The following CAPN2 variants were observed in gnomAD, a reference collection of about 807,000 sequenced individuals.
CAPN2 encodes the protein calpain-2 catalytic subunit.
CAPN2 carries 92 observed loss-of-function variants against 102.3 expected under a neutral mutation model. The ratio of observed to expected loss-of-function variants is 0.90; its 90% confidence interval spans 0.76 to 1.07. The LOEUF (loss-of-function observed/expected upper bound fraction) is 1.07. Among genes scored for constraint, CAPN2 ranks in the 50% least tolerant of loss-of-function variants. The pLI is 0.00. For missense variants in CAPN2, 800 were observed against 909.4 expected, an observed-to-expected ratio of 0.88 and a Z score of 1.55; for synonymous variants, 340 against 355.4, an observed-to-expected ratio of 0.96 and a Z score of 0.49.
rs1258372808 is a variant in CAPN2 at position 223,731,811 on chromosome 1, G to A, written c.308-12289G>A. Among the ~76,000 whole-genome samples, 1 of 152,224 alleles carries A rather than the reference G, an allele frequency of 6.6e-6. No homozygotes were observed. The highest frequency in any genetic ancestry group is 2.1e-4 in the South Asian group (1 of 4,830). Reference sequence around the variant, plus strand: ...GGCAGCGGAAGGCATCTGGGAGTCTGGGCTGCCCCGTAGCAGCTCTGTGTT... The same window carrying A: ...GGCAGCGGAAGGCATCTGGGAGTCTAGGCTGCCCCGTAGCAGCTCTGTGTT... On this transcript the variant is annotated intron_variant, in intron 2 of 20. Transcript: ENST00000295006. The surrounding 1 kb of genome is among the most constrained non-coding windows in gnomAD (Gnocchi z 4.2).
Position 223,737,709 on chromosome 1 carries a change from G to T in CAPN2, c.308-6391G>T, listed in dbSNP as rs1242262753. Among the ~76,000 whole-genome samples the T allele has an allele frequency of 5.2e-4, 16 of 30,608 alleles. 1 individual carries two copies. Among genetic ancestry groups the T allele is most frequent in the East Asian group, 3.6e-3 (3 of 844 alleles). 20.1% of individuals were successfully genotyped at this position (30,608 alleles called of 152,430 possible). ...AGGCCTGACCAAAAGAGACGGGGCGGGGGGTGGGGGGGAGAGAATACAATA... is the reference window on the plus strand; with the variant it reads ...AGGCCTGACCAAAAGAGACGGGGCGTGGGGTGGGGGGGAGAGAATACAATA... On this transcript the variant is annotated intron_variant, in intron 2 of 20. Coordinates refer to ENST00000295006, the MANE Select transcript of CAPN2 (RefSeq NM_001748.5).
chr1:223,726,751 C>T lies in CAPN2; in HGVS notation c.307+8920C>T, dbSNP rs7525446. On this transcript the variant is annotated intron_variant, in intron 2 of 20. Coordinates refer to ENST00000295006, the MANE Select transcript of CAPN2 (RefSeq NM_001748.5). The surrounding 1 kb of genome is among the most constrained non-coding windows in gnomAD (Gnocchi z 4.4). ...GTGGGGCATGAGTAAAATGGAGGAT[C>T]TGCCCCCTCCCCTCCCAGCCCCTGA... Among the ~76,000 whole-genome samples, 118,146 of 152,026 alleles carry T rather than the reference C, an allele frequency of 0.78. 47,150 individuals are homozygous for T. Among genetic ancestry groups the T allele is most frequent in the Admixed American group, 0.87 (13,313 of 15,288 alleles).
Position 223,759,337 on chromosome 1 carries a change from C to CA in CAPN2, c.1386dup (p.Asp463ArgfsTer42), listed in dbSNP as rs758102204. 1.9e-6 allele frequency: 3 copies of CA among 1,614,100 alleles called. No individual in the cohort carries two copies. Among genetic ancestry groups the CA allele is most frequent in the Admixed American group, 1.7e-5 (1 of 60,012 alleles). The stretch of plus-strand genomic sequence containing the variant: ...CTGACGAATCGCGCCAGGGAGCGCT[C>CA]AGACACCTTCATCAACCTCCGGGAG... On this transcript the variant is annotated frameshift_variant, in exon 12 of 21. Transcript: ENST00000295006. LOFTEE classifies it high-confidence loss of function. This position sits in a 1 kb window ranked among gnomAD's most constrained non-coding sequence, Gnocchi z 4.6.
At chr1:223,701,971 C>T (rs1177481754) in intron 1 of CAPN2, 2 of 133,560 alleles carry the variant, frequency 1.5e-5, no homozygotes, top group African/African-American at 2.8e-5. Context: ...CGTGTCACTG[C>T]ACTCCATTCT....
At chr1:223,751,971 G>T in intron 7 of CAPN2, 26 bp from the exon 8 acceptor site, 1 of 1,510,622 alleles carries the variant, frequency 6.6e-7, no homozygotes, top group South Asian at 1.2e-5. Flanking sequence ...GTACACTAAC[G>T]CCTCTCTCTT....
At chr1:223,720,375 G>T (rs1170154784) in intron 2 of CAPN2, among the ~76,000 whole-genome samples, 1 of 141,516 alleles carries the variant, frequency 7.1e-6, no homozygotes, top group African/African-American at 2.7e-5. Context: ...GAGTGCACTG[G>T]CAGGATCTTG....
At chr1:223,747,259 C>G (rs1660772578) in intron 5 of CAPN2, 94 bp downstream of exon 5, 1 of 1,240,760 alleles carries the variant, frequency 8.1e-7, no homozygotes, top group African/African-American at 1.5e-5. Flanking sequence ...CTCCTGTGTA[C>G]AACGTAATGC....
rs1660163613 is a variant in CAPN2 at position 223,725,355 on chromosome 1, C to T, written c.307+7524C>T. Among the ~76,000 whole-genome samples the T allele has an allele frequency of 6.6e-6, 1 of 151,880 alleles. No individual in the cohort carries two copies. Among genetic ancestry groups the T allele is most frequent in the South Asian group, 2.1e-4 (1 of 4,812 alleles). On this transcript the variant is annotated intron_variant, in intron 2 of 20. Coordinates refer to ENST00000295006, the MANE Select transcript of CAPN2 (RefSeq NM_001748.5). This position sits in a 1 kb window ranked among gnomAD's most constrained non-coding sequence, Gnocchi z 4.1. The stretch of plus-strand genomic sequence containing the variant: ...CCATGATCGCACCACTGCACTCCAT[C>T]CTGGGCAATAGAGCGAGACTTCATC...
rs28370136 is a variant in CAPN2, at chr1:223,763,786, G to A, written c.1633-364G>A. On this transcript the variant is annotated intron_variant, in intron 14 of 20. Transcript: ENST00000295006. ...TACTGCATCCGTACATTAAAACACC[G>A]TATCTAGGCTGGGCACAGTGGCTCA... Among the ~76,000 whole-genome samples, 448 of 152,244 alleles carry A rather than the reference G, an allele frequency of 2.9e-3. 1 individual carries two copies. Among genetic ancestry groups the A allele is most frequent in the African/African-American group, 0.01 (417 of 41,534 alleles).
intron 2 of CAPN2, among the ~76,000 whole-genome samples, chr1:223,718,484 G>A (rs28370022): frequency 0.029 from 4,416 of 152,302 alleles, 86 homozygotes; most frequent in Non-Finnish European, 0.046. Context: ...CAACCCACAG[G>A]GTTCTCCACC....
intron 18 of CAPN2, 65 bp downstream of exon 18, chr1:223,770,590 T>C (rs1281639143): frequency 2.9e-6 from 3 of 1,045,060 alleles, no homozygotes; most frequent in African/African-American, 1.6e-5. Flanking sequence ...TGAACACTCA[T>C]CTTATACCAT....
At position 223,760,595 on chromosome 1, in the gene CAPN2, T is replaced by C. The variant is rs28370123; in HGVS notation, c.1530-986T>C. Among the ~76,000 whole-genome samples, 30 of 152,284 alleles carry C rather than the reference T, an allele frequency of 2.0e-4. No individual in the cohort carries two copies. In the East Asian group the frequency reaches 5.8e-3, roughly 29 times the overall value. On this transcript the variant is annotated intron_variant, in intron 12 of 20. Coordinates refer to ENST00000295006, the MANE Select transcript of CAPN2 (RefSeq NM_001748.5). ...CTGAGGATGCTTAGAGGAAGACTGG[T>C]GTGTTCAGTTTAGTCCTCACTGACA...
chr1:223,774,822 C>A lies in CAPN2; in HGVS notation c.2080-12C>A, dbSNP rs1208259093. On this transcript the variant is annotated splice_polypyrimidine_tract_variant and intron_variant, in intron 20 of 20. Transcript: ENST00000295006. ...GGTCACTGAGCTGACTTTTTTTTTT[C>A]CTTCCTCACAGTGGCTCTGTTTCTC... 3 of 1,601,876 alleles carry A rather than the reference C, an allele frequency of 1.9e-6. No homozygotes were observed. The highest frequency in any genetic ancestry group is 2.6e-6 in the Non-Finnish European group (3 of 1,174,618).
At position 223,775,695 on chromosome 1, in the gene CAPN2, C is replaced by CT; in HGVS notation, c.*840dup. 6.5e-6 allele frequency: 1 copy of CT among 152,778 alleles called. No individual in the cohort carries two copies. Among genetic ancestry groups the CT allele is most frequent in the African/African-American group, 2.4e-5 (1 of 41,570 alleles). The allele number at this position is 152,778 out of a possible 1,614,324, so 9.5% of individuals were successfully genotyped here. On this transcript the variant is annotated 3_prime_UTR_variant, in exon 21 of 21. Transcript: ENST00000295006. The stretch of plus-strand genomic sequence containing the variant: ...GTCCATGGAGTTAGAGGGGACATCA[C>CT]TTAGAAGTTCTTATAGAAAGGACAC...
rs1026010014 is a variant in CAPN2 at position 223,773,986 on chromosome 1, T to C, written c.2080-848T>C. Reference sequence around the variant, plus strand: ...AAGTCAAGGCCGCAGTGAGCCATGATCTCCCCACTACATTCCATCTTGGGT... The same window carrying C: ...AAGTCAAGGCCGCAGTGAGCCATGACCTCCCCACTACATTCCATCTTGGGT... On this transcript the variant is annotated intron_variant, in intron 20 of 20. Transcript: ENST00000295006. 2.6e-4 allele frequency among the ~76,000 whole-genome samples: 39 copies of C among 152,152 alleles called. 1 individual carries two copies. The highest frequency in any genetic ancestry group is 9.2e-4 in the African/African-American group (38 of 41,514).
At chr1:223,742,884 CT>C (rs1230846804) in intron 2 of CAPN2, among the ~76,000 whole-genome samples, 1 of 152,180 alleles carries the variant, frequency 6.6e-6, no homozygotes, top group Non-Finnish European at 1.5e-5. Flanking sequence ...AATTAAACTC[CT>C]TTGAGGCTAC....
chr1:223,738,712 C>T (rs1047639375), intron 2 of CAPN2, among the ~76,000 whole-genome samples: 1 of 152,226 alleles, frequency 6.6e-6, no homozygotes, highest in Admixed American at 6.5e-5. Flanking sequence ...TGCAAACAGA[C>T]AGCTTGCATC....
At chr1:223,764,025 G>A in intron 14 of CAPN2, 125 bp from the exon 15 acceptor site, 1 of 744,872 alleles carries the variant, frequency 1.3e-6, no homozygotes, top group Non-Finnish European at 2.5e-6. Flanking sequence ...CATGGCTCGG[G>A]GGCTTGTTAG....
chr1:223,767,298 C>G (rs1209635434), intron 16 of CAPN2, among the ~76,000 whole-genome samples: 3 of 151,588 alleles, frequency 2.0e-5, no homozygotes, highest in Admixed American at 2.0e-4. Context: ...ACTAACTCGT[C>G]ATCTAGCATT....
Sources: allele counts gnomAD v4.1 joint callset (sites outside exome capture counted in the v4.1 genomes callset), GRCh38; gene constraint gnomAD v4.1.1; non-coding constraint Gnocchi (gnomAD v3.1); transcripts MANE v1.5; gene names NCBI Gene and HGNC (gene_info 2026-07-23, HGNC 2026-07-21).